CADM2: variants seen among roughly 807,000 people sequenced by gnomAD.
The protein encoded by CADM2 is immunoglobulin superfamily member 4D.
In CADM2, 12 loss-of-function variants were observed where a neutral mutation model predicts 49.8. That is an observed-to-expected ratio of 0.24 (90% CI 0.15 to 0.39). The LOEUF (loss-of-function observed/expected upper bound fraction) is 0.39. Ranked by LOEUF, CADM2 falls within the 10% of genes least tolerant of loss-of-function variation. CADM2 has a pLI of 1.00. For missense variants in CADM2, 378 were observed against 492.3 expected (o/e 0.77, Z 2.20); for synonymous variants, 214 against 175.4 (o/e 1.22, Z -1.74).
chr3:85,091,903 C>A (rs949630785), intron 1 of CADM2, among the ~76,000 whole-genome samples: 1 of 151,936 alleles, frequency 6.6e-6, no homozygotes, highest in African/African-American at 2.4e-5. Flanking sequence ...ACATCAAATT[C>A]CAATAATTAA....
At chr3:85,334,469 G>A (rs1431436270) in intron 1 of CADM2, among the ~76,000 whole-genome samples, 2 of 151,526 alleles carry the variant, frequency 1.3e-5, no homozygotes, top group African/African-American at 2.4e-5. Flanking sequence ...CAAAATATTT[G>A]TATCAGAGTG....
rs145679316 is a variant in CADM2, at chr3:85,490,321, C to T, written c.62-236201C>T. 5.4e-3 allele frequency among the ~76,000 whole-genome samples: 823 copies of T among 151,972 alleles called. 2 individuals carry two copies. The highest frequency in any genetic ancestry group is 0.01 in the Admixed American group (153 of 15,270). On this transcript the variant is annotated intron_variant, in intron 1 of 9. Coordinates refer to ENST00000383699, the MANE Select transcript of CADM2 (RefSeq NM_001167675.2). ...ACTCAAATTTCTATTTCCCCTGTGT[C>T]GGCTGCACAATGAATTATATATAGC...
intron 1 of CADM2, among the ~76,000 whole-genome samples, chr3:85,231,707 CT>C (rs754139147): frequency 0.069 from 8,981 of 130,608 alleles, 746 homozygotes; most frequent in African/African-American, 0.23. Context: ...AGTTTCCTTT[CT>C]TTTTTTTTTT....
chr3:84,980,008 T>C (rs950319226), intron 1 of CADM2, among the ~76,000 whole-genome samples: 1 of 152,210 alleles, frequency 6.6e-6, no homozygotes, highest in African/African-American at 2.4e-5. Flanking sequence ...ATACCTATTA[T>C]TTCCTTTGTA....
intron 1 of CADM2, among the ~76,000 whole-genome samples, chr3:85,316,252 A>G (rs1284377147): frequency 1.3e-5 from 2 of 152,146 alleles, no homozygotes; most frequent in Non-Finnish European, 2.9e-5. Flanking sequence ...TTGACCATCT[A>G]TATATATTAA....
intron 1 of CADM2, among the ~76,000 whole-genome samples, chr3:85,544,981 A>C (rs73132375): frequency 1.3e-5 from 2 of 151,818 alleles, no homozygotes; most frequent in African/African-American, 4.8e-5. Flanking sequence ...AGGTCATCCA[A>C]CTCCCACCCA....
At chr3:86,062,604 C>T (rs1738802664) in intron 8 of CADM2, among the ~76,000 whole-genome samples, 1 of 151,700 alleles carries the variant, frequency 6.6e-6, no homozygotes, top group Non-Finnish European at 1.5e-5. Flanking sequence ...ATGGTGAAAC[C>T]CTGTCTCTAC....
At chr3:85,130,993 G>A (rs1269797492) in intron 1 of CADM2, among the ~76,000 whole-genome samples, 1 of 152,140 alleles carries the variant, frequency 6.6e-6, no homozygotes, top group Non-Finnish European at 1.5e-5. Context: ...GACCAGCCTG[G>A]CCAACATAGT....
chr3:85,468,745 G>A (rs2038634556), intron 1 of CADM2, among the ~76,000 whole-genome samples: 1 of 152,096 alleles, frequency 6.6e-6, no homozygotes, highest in African/African-American at 2.4e-5. Context: ...ATATTTGGGT[G>A]GTGATACCAG....
intron 1 of CADM2, among the ~76,000 whole-genome samples, chr3:85,530,322 G>GT (rs57504567): frequency 0.14 from 4,316 of 31,152 alleles, 1,005 homozygotes; most frequent in African/African-American, 0.24. Flanking sequence ...TCTTTTCTCC[G>GT]TTTTTTTTTT....
Position 85,359,666 on chromosome 3 carries a change from A to ATTTTTTTTT in CADM2, c.62-366853_62-366845dup, listed in dbSNP as rs869151718. On this transcript the variant is annotated intron_variant, in intron 1 of 9. Coordinates refer to ENST00000383699, the MANE Select transcript of CADM2 (RefSeq NM_001167675.2). ...TATATATATATATATATATATATAT[A>ATTTTTTTTT]TTTTTTTTTTTGGTGGAGGGGAGAA... Among the ~76,000 whole-genome samples, 48 of 26,518 alleles carry ATTTTTTTTT rather than the reference A, an allele frequency of 1.8e-3. 1 individual carries two copies. The highest frequency in any genetic ancestry group is 2.8e-3 in the Non-Finnish European group (34 of 12,286). 17.4% of individuals were successfully genotyped at this position (26,518 alleles called of 152,430 possible).
At chr3:86,023,946 A>C (rs910632884) in intron 8 of CADM2, among the ~76,000 whole-genome samples, 2 of 152,300 alleles carry the variant, frequency 1.3e-5, no homozygotes, top group Middle Eastern at 3.4e-3. Context: ...AATTACTGGA[A>C]GTAAATTTAT....
chr3:85,214,847 A>G (rs2041883288), intron 1 of CADM2, among the ~76,000 whole-genome samples: 1 of 152,024 alleles, frequency 6.6e-6, no homozygotes, highest in African/African-American at 2.4e-5. Context: ...CCCTCCCTTC[A>G]GAAAAGTGGG....
At position 85,739,339 on chromosome 3, in the gene CADM2, A is replaced by G. The variant is rs985933128; in HGVS notation, c.88+12791A>G. On this transcript the variant is annotated intron_variant, in intron 2 of 9. Coordinates refer to ENST00000383699, the MANE Select transcript of CADM2 (RefSeq NM_001167675.2). Reference sequence around the variant, plus strand: ...GTCTGAACATTAAGTTTTAGATGTCAATTATCTTTATAACTTATAAAACTG... The same window carrying G: ...GTCTGAACATTAAGTTTTAGATGTCGATTATCTTTATAACTTATAAAACTG... Among the ~76,000 whole-genome samples the G allele has an allele frequency of 3.9e-5, 6 of 152,092 alleles. No homozygotes were observed. The East Asian group carries it at 7.7e-4, about 20-fold the overall frequency.
chr3:85,586,222 G>T (rs1002593262), intron 1 of CADM2, among the ~76,000 whole-genome samples: 2 of 152,024 alleles, frequency 1.3e-5, no homozygotes, highest in African/African-American at 4.8e-5. Context: ...AGCTCATGCT[G>T]GGCTTTCACA....
intron 1 of CADM2, among the ~76,000 whole-genome samples, chr3:85,127,699 T>G (rs1474011428): frequency 1.3e-5 from 2 of 152,194 alleles, no homozygotes; most frequent in Non-Finnish European, 2.9e-5. Context: ...ATGCTTACTT[T>G]TAATTTAGGA....
At position 85,361,658 on chromosome 3, in the gene CADM2, G is replaced by A. The variant is rs112555604; in HGVS notation, c.62-364864G>A. ...TGGCTTTCTGCCATCTAGGATCTAA[G>A]TTCCTTTCCTCTTGCAGCATTATCA... On this transcript the variant is annotated intron_variant, in intron 1 of 9. Coordinates refer to ENST00000383699, the MANE Select transcript of CADM2 (RefSeq NM_001167675.2). 3.6e-3 allele frequency among the ~76,000 whole-genome samples: 550 copies of A among 152,256 alleles called. 1 individual carries two copies. Among genetic ancestry groups the A allele is most frequent in the African/African-American group, 0.012 (482 of 41,538 alleles).
At chr3:85,569,750 A>G (rs1332707739) in intron 1 of CADM2, among the ~76,000 whole-genome samples, 1 of 151,850 alleles carries the variant, frequency 6.6e-6, no homozygotes, top group Non-Finnish European at 1.5e-5. Context: ...ATGAGAAATT[A>G]GAGTCAATGA....
intron 3 of CADM2, among the ~76,000 whole-genome samples, chr3:85,860,570 G>T (rs1165161956): frequency 6.6e-6 from 1 of 152,172 alleles, no homozygotes; most frequent in African/African-American, 2.4e-5. Context: ...TCAAGTTCCA[G>T]TCTCTGGTGA....
Sources: allele counts gnomAD v4.1 joint callset (sites outside exome capture counted in the v4.1 genomes callset), GRCh38; gene constraint gnomAD v4.1.1; transcripts MANE v1.5; gene names NCBI Gene and HGNC (gene_info 2026-07-23, HGNC 2026-07-21).